TMC1: variants seen among roughly 807,000 people sequenced by gnomAD.
TMC1 encodes transmembrane channel-like protein 1.
TMC1 carries 84 observed loss-of-function variants against 105.8 expected under a neutral mutation model. The observed-to-expected ratio is 0.79, with a 90% confidence interval of 0.67 to 0.95. The LOEUF is 0.95. Among genes scored for constraint, TMC1 ranks in the 40% least tolerant of loss-of-function variants. The probability of loss-of-function intolerance (pLI) is 0.00; values close to 1 mark genes in which losing one functional copy is unlikely to be tolerated. For synonymous variants in TMC1, 315 were observed against 311.5 expected (o/e 1.01, Z -0.12); for missense variants, 817 against 914.1 (o/e 0.89, Z 1.37).
At chr9:72,729,296 A>G (rs1003386552) in intron 8 of TMC1, among the ~76,000 whole-genome samples, 1 of 152,190 alleles carries the variant, frequency 6.6e-6, no homozygotes, top group African/African-American at 2.4e-5. Context: ...TAAAAAATAT[A>G]TATTTTACCT....
chr9:72,804,778 T>A (rs1828541209), intron 17 of TMC1, among the ~76,000 whole-genome samples: 1 of 152,230 alleles, frequency 6.6e-6, no homozygotes, highest in Admixed American at 6.5e-5. Flanking sequence ...CACTCACCAA[T>A]ATGAAGAAGC....
intron 8 of TMC1, among the ~76,000 whole-genome samples, chr9:72,704,683 G>T (rs1002172364): frequency 2.0e-5 from 3 of 151,972 alleles, no homozygotes; most frequent in Non-Finnish European, 2.9e-5. Flanking sequence ...TGGAAATTGT[G>T]ATTTTCATTC....
chr9:72,814,005 A>C (rs1828743822), intron 18 of TMC1, among the ~76,000 whole-genome samples: 1 of 152,152 alleles, frequency 6.6e-6, no homozygotes, highest in East Asian at 1.9e-4. Context: ...GGTGTCCTTT[A>C]TGCTTTTCTA....
At chr9:72,766,312 G>A (rs1230336728) in intron 12 of TMC1, among the ~76,000 whole-genome samples, 2 of 151,716 alleles carry the variant, frequency 1.3e-5, no homozygotes, top group African/African-American at 4.8e-5. Context: ...AGCTACTCGG[G>A]AGGCTGAGTC....
At chr9:72,788,088 T>C (rs1323594795) in intron 13 of TMC1, among the ~76,000 whole-genome samples, 1 of 152,254 alleles carries the variant, frequency 6.6e-6, no homozygotes, top group African/African-American at 2.4e-5. Context: ...TTTATATACA[T>C]GTTGAATTAT....
In TMC1 at chr9:72,648,640, A is replaced by T; in HGVS notation, c.-9A>T. 1 of 1,612,972 alleles carries T rather than the reference A, an allele frequency of 6.2e-7. No homozygotes were observed. Among genetic ancestry groups the T allele is most frequent in the Non-Finnish European group, 8.5e-7 (1 of 1,179,220 alleles). On this transcript the variant is annotated 5_prime_UTR_variant, in exon 5 of 24. Coordinates refer to ENST00000297784, the MANE Select transcript of TMC1 (RefSeq NM_138691.3). Reference sequence around the variant, plus strand: ...AGCCACTGAGACCTTCTGACAGGACACCCCCAGGATGTCACCCAAAAAAGG... The same window carrying T: ...AGCCACTGAGACCTTCTGACAGGACTCCCCCAGGATGTCACCCAAAAAAGG...
chr9:72,582,474 A>G (rs1264108306), intron 2 of TMC1, among the ~76,000 whole-genome samples: 1 of 152,208 alleles, frequency 6.6e-6, no homozygotes, highest in Non-Finnish European at 1.5e-5. Context: ...CTGAGGATTT[A>G]GTTAGTATCC....
chr9:72,827,071 C>A, intron 21 of TMC1, 77 bp downstream of exon 21: 1 of 1,574,106 alleles, frequency 6.4e-7, no homozygotes, highest in Non-Finnish European at 8.7e-7. Context: ...GCTTTTTCAG[C>A]TCTCTCACTC....
intron 21 of TMC1, among the ~76,000 whole-genome samples, chr9:72,827,677 A>G (rs1015221734): frequency 2.0e-5 from 3 of 152,214 alleles, no homozygotes; most frequent in Non-Finnish European, 4.4e-5. Context: ...GATTCTAAGT[A>G]AAAGTACAGA....
intron 4 of TMC1, among the ~76,000 whole-genome samples, chr9:72,631,989 C>T (rs144737723): frequency 4.5e-4 from 69 of 152,304 alleles, no homozygotes; most frequent in African/African-American, 1.6e-3. Flanking sequence ...ATATCCATTG[C>T]ATTAGTCCGT....
intron 21 of TMC1, among the ~76,000 whole-genome samples, chr9:72,829,829 A>G (rs572707284): frequency 2.4e-4 from 37 of 152,324 alleles, no homozygotes; most frequent in African/African-American, 8.7e-4. Context: ...TTTTTACAGA[A>G]TTGTCTGGCT....
At chr9:72,756,946 G>A (rs1486639152) in intron 12 of TMC1, among the ~76,000 whole-genome samples, 2 of 152,116 alleles carry the variant, frequency 1.3e-5, no homozygotes, top group Admixed American at 6.6e-5. Context: ...TTTGGATGAT[G>A]AGTGTGCTTC....
In TMC1 at chr9:72,706,731, G is replaced by T. The variant is rs188069078; in HGVS notation, c.362+6088G>T. On this transcript the variant is annotated intron_variant, in intron 8 of 23. Coordinates refer to ENST00000297784, the MANE Select transcript of TMC1 (RefSeq NM_138691.3). ...GAATAATAGTCTCCAGTTGTATCCA[G>T]GTTGCTGTGAATGCCAATATTTCTT... Among the ~76,000 whole-genome samples the T allele has an allele frequency of 2.0e-5, 3 of 151,782 alleles. No individual in the cohort carries two copies. The East Asian group carries it at 5.8e-4, about 29-fold the overall frequency.
At chr9:72,575,328 C>A (rs1438835068) in intron 1 of TMC1, among the ~76,000 whole-genome samples, 1 of 151,884 alleles carries the variant, frequency 6.6e-6, no homozygotes, top group African/African-American at 2.4e-5. Flanking sequence ...CTACAGGCAC[C>A]CACCACCAAG....
chr9:72,835,590 A>T (rs1245585881), intron 23 of TMC1, among the ~76,000 whole-genome samples: 1 of 152,180 alleles, frequency 6.6e-6, no homozygotes, highest in African/African-American at 2.4e-5. Context: ...CATAATGTGT[A>T]TGGCCACCCA....
chr9:72,715,260 A>G (rs1826898559), intron 8 of TMC1, among the ~76,000 whole-genome samples: 1 of 152,178 alleles, frequency 6.6e-6, no homozygotes, highest in Non-Finnish European at 1.5e-5. Flanking sequence ...CTTCTTGAGC[A>G]GTATCTTTGT....
chr9:72,686,527 C>T (rs1826382316), intron 5 of TMC1, among the ~76,000 whole-genome samples: 1 of 152,166 alleles, frequency 6.6e-6, no homozygotes, highest in Non-Finnish European at 1.5e-5. Context: ...AATAATGTTC[C>T]ATTAAAATCG....
At chr9:72,717,947 T>A (rs1826950396) in intron 8 of TMC1, among the ~76,000 whole-genome samples, 1 of 152,090 alleles carries the variant, frequency 6.6e-6, no homozygotes. Context: ...GGTTTGGTCA[T>A]TTAACATAAT....
chr9:72,545,320 A>G (rs894996923), intron 1 of TMC1, among the ~76,000 whole-genome samples: 5 of 109,576 alleles, frequency 4.6e-5, no homozygotes, highest in African/African-American at 2.4e-4. Flanking sequence ...TTACATTAAT[A>G]TGTTTTTTTT....
Sources: gnomAD v4.1 joint callset for allele counts (sites outside exome capture counted in the v4.1 genomes callset) on GRCh38, gnomAD v4.1.1 for gene constraint, MANE v1.5 for transcripts, NCBI Gene and HGNC (gene_info 2026-07-23, HGNC 2026-07-21) for gene names.